The following IFT140 variants were observed in gnomAD, a reference collection of about 807,000 sequenced individuals.
IFT140 encodes the protein intraflagellar transport 140.
Under a neutral mutation model 164.6 loss-of-function variants are expected in IFT140, and 133 were observed. The ratio of observed to expected loss-of-function variants is 0.81; its 90% CI spans 0.70 to 0.93. The LOEUF is 0.93. Among genes scored for constraint, IFT140 ranks in the 40% least tolerant of loss-of-function variants. The pLI is 0.00. For synonymous variants in IFT140, 860 were observed against 817.3 expected (o/e 1.05, Z -0.89); for missense variants, 2,045 against 1,972.3 (o/e 1.04, Z -0.70).
At chr16:1,530,299 A>T (rs2030328114) in intron 19 of IFT140, among the ~76,000 whole-genome samples, 1 of 151,638 alleles carries the variant, frequency 6.6e-6, no homozygotes, top group Non-Finnish European at 1.5e-5. Flanking sequence ...CACCCAGCTA[A>T]TTTTTGTATT....
Position 1,562,203 on chromosome 16 carries a change from T to C in IFT140, c.2068-87A>G, listed in dbSNP as rs556395776. 9.3e-4 allele frequency: 1,112 copies of C among 1,197,430 alleles called. 18 individuals carry two copies. Among genetic ancestry groups the C allele is most frequent in the Middle Eastern group, 2.1e-3 (10 of 4,832 alleles). The allele number at this position is 1,197,430 out of a possible 1,614,324, so 74.2% of individuals were successfully genotyped here. A position where few individuals can be genotyped will look rare whatever the true frequency, so the allele number is the denominator to read the frequency against. On this transcript the variant is annotated intron_variant, in intron 17 of 30. Transcript: ENST00000426508. ...ATGAGTGCCATTTTGCTACACACAC[T>C]GCGTCACGGTGGGGTCGTTGCTACA...
intron 19 of IFT140, among the ~76,000 whole-genome samples, chr16:1,540,200 C>T (rs1275619901): frequency 6.6e-6 from 1 of 152,202 alleles, no homozygotes; most frequent in Non-Finnish European, 1.5e-5. Flanking sequence ...AGCACCCAGC[C>T]CAAGGGCCAG....
At position 1,520,006 on chromosome 16, in the gene IFT140, C is replaced by A; in HGVS notation, c.3915G>T (p.Gly1305=). 6.2e-7 allele frequency: 1 copy of A among 1,603,406 alleles called. No homozygotes were observed. Among genetic ancestry groups the A allele is most frequent in the Non-Finnish European group, 8.5e-7 (1 of 1,175,246 alleles). The change falls in exon 29 of 31, where the codon GGG becomes GGT. Residue 1305 remains glycine (G), a synonymous_variant. Transcript: ENST00000426508. ...DEYQNYDKAH[G]ALTEAYKCLA... ...GGCACTTGTAGGCCTCGGTCAGCGC[C>A]CCGTGGGCTTTGTCGTAGTTCTGGT... is the stretch of plus-strand genomic sequence containing the variant.
At chr16:1,597,986 C>G (rs1443055850) in intron 4 of IFT140, among the ~76,000 whole-genome samples, 1 of 152,058 alleles carries the variant, frequency 6.6e-6, no homozygotes, top group African/African-American at 2.4e-5. Context: ...TTATTTTATA[C>G]TAATGTGGGA....
intron 19 of IFT140, among the ~76,000 whole-genome samples, chr16:1,545,224 GCTC>G (rs1406011170): frequency 1.3e-5 from 2 of 152,196 alleles, no homozygotes; most frequent in African/African-American, 4.8e-5. Context: ...GCGGGACTGT[GCTC>G]CAACACGACC....
At position 1,587,981 on chromosome 16, in the gene IFT140, A is replaced by G. The variant is rs2034978738; in HGVS notation, c.854T>C (p.Leu285Ser). The change falls in exon 8 of 31, where the codon TTG becomes TCG. Residue 285 changes from leucine (L) to serine (S), a missense_variant. Physicochemically the swap from Leu to Ser is moderately radical, Grantham distance 145. Transcript: ENST00000426508. ...GKTGRRADIA[L>S]IEGSLLVMAV... ...CATCACGAGAAGGCTGCCTTCAATC[A>G]AAGCGATGTCTGCCCGGCGGCCGGT... The G allele has an allele frequency of 6.2e-7, 1 of 1,613,740 alleles. No homozygotes were observed. The highest frequency in any genetic ancestry group is 1.3e-5 in the African/African-American group (1 of 74,922).
At chr16:1,603,586 G>T (rs1047690861) in intron 3 of IFT140, among the ~76,000 whole-genome samples, 1 of 152,086 alleles carries the variant, frequency 6.6e-6, no homozygotes, top group African/African-American at 2.4e-5. Flanking sequence ...CAAGGTTCAA[G>T]CGATTCTCCT....
intron 3 of IFT140, 137 bp from the exon 4 acceptor site, chr16:1,602,728 T>C (rs1343990183): frequency 1.3e-6 from 1 of 764,358 alleles, no homozygotes; most frequent in African/African-American, 1.7e-5. Flanking sequence ...GATCACAAAG[T>C]CAGGAGTTCG....
Position 1,526,615 on chromosome 16 carries a change from T to A in IFT140, c.2577+4A>T, listed in dbSNP as rs2141184162. 2 of 1,473,484 alleles carry A rather than the reference T, an allele frequency of 1.4e-6. No individual in the cohort carries two copies. The highest frequency in any genetic ancestry group is 2.7e-5 in the East Asian group (1 of 37,028). 91.3% of individuals were successfully genotyped at this position (1,473,484 alleles called of 1,614,324 possible). ...CCACCCACCCCATGGCGGGCGCCCC[T>A]CACCAGCATGCCCAGCTGCGTGGCC... is the stretch of plus-strand genomic sequence containing the variant. On this transcript the variant is annotated splice_donor_region_variant and intron_variant, in intron 20 of 30. Transcript: ENST00000426508.
At position 1,602,602 on chromosome 16, in the gene IFT140, T is replaced by A; in HGVS notation, c.148-11A>T. The A allele has an allele frequency of 6.2e-7, 1 of 1,608,262 alleles. No homozygotes were observed. On this transcript the variant is annotated splice_polypyrimidine_tract_variant and intron_variant, in intron 3 of 30. Transcript: ENST00000426508. Reference sequence around the variant, plus strand: ...TGGCACGCACTCCCCCTGCATTGGATGAGAGGCAAATTCCCACAGTTCAGA... The same window carrying A: ...TGGCACGCACTCCCCCTGCATTGGAAGAGAGGCAAATTCCCACAGTTCAGA...
chr16:1,554,788 T>G (rs766995769), intron 19 of IFT140: 1 of 1,614,176 alleles, frequency 6.2e-7, no homozygotes, highest in South Asian at 1.1e-5. Flanking sequence ...GCAGGTTTTG[T>G]CCTGGTCATC....
chr16:1,575,874 C>A (rs2034250071), intron 13 of IFT140, among the ~76,000 whole-genome samples: 1 of 152,176 alleles, frequency 6.6e-6, no homozygotes, highest in Non-Finnish European at 1.5e-5. Flanking sequence ...CCTCTCCCTG[C>A]AGGCCACTGG....
intron 19 of IFT140, chr16:1,554,927 G>A (rs756095846): frequency 1.9e-6 from 3 of 1,614,102 alleles, no homozygotes; most frequent in African/African-American, 2.7e-5. Flanking sequence ...TCCACAAGAG[G>A]GAGGACTGCA....
chr16:1,582,835 G>A (rs184857052), intron 12 of IFT140, among the ~76,000 whole-genome samples: 6 of 152,344 alleles, frequency 3.9e-5, no homozygotes, highest in East Asian at 1.9e-4. Context: ...CCCGGGAGGC[G>A]GAGGGTGCAG....
rs1464803127 is a variant in IFT140 at position 1,523,630 on chromosome 16, G to A, written c.3341C>T (p.Ala1114Val). The A allele has an allele frequency of 6.2e-7, 1 of 1,613,972 alleles. No homozygotes were observed. Among genetic ancestry groups the A allele is most frequent in the Middle Eastern group, 1.6e-4 (1 of 6,062 alleles). Residue 1114 changes from alanine (A) to valine (V), a missense_variant, in exon 26 of 31, where the codon GCA becomes GTA. By Grantham distance (64) the Ala-to-Val change is moderately conservative. Transcript: ENST00000426508. ...TQQFVALQLI[A>V]EDLDETSDPA... ...GTCTGACGTCTCATCCAGGTCCTCT[G>A]CTATGAGCTGTAGGGCCACAAACTG...
At chr16:1,580,500 T>C in intron 13 of IFT140, 1 of 381,126 alleles carries the variant, frequency 2.6e-6, no homozygotes, top group Admixed American at 4.3e-5. Context: ...CTATGTAGGA[T>C]GTGCCTGCTT....
At chr16:1,566,373 C>A in intron 15 of IFT140, 82 bp from the exon 16 acceptor site, 3 of 1,409,146 alleles carry the variant, frequency 2.1e-6, no homozygotes, top group Admixed American at 3.7e-5. Context: ...ACTGACACAG[C>A]ACATGTCAAG....
intron 19 of IFT140, among the ~76,000 whole-genome samples, chr16:1,544,779 G>C (rs1450252307): frequency 6.6e-6 from 1 of 151,720 alleles, no homozygotes; most frequent in Non-Finnish European, 1.5e-5. Context: ...CTCCCGAGTA[G>C]CTGGGACTAC....
intron 13 of IFT140, 134 bp from the exon 14 acceptor site, chr16:1,571,668 ACT>A: frequency 1.1e-6 from 1 of 945,584 alleles, no homozygotes; most frequent in South Asian, 1.7e-5. Flanking sequence ...AACCTTGTAC[ACT>A]CCACTCATTC....
Sources: gnomAD v4.1 joint callset for allele counts (sites outside exome capture counted in the v4.1 genomes callset) on GRCh38, gnomAD v4.1.1 for gene constraint, MANE v1.5 for transcripts, NCBI Gene and HGNC (gene_info 2026-07-23, HGNC 2026-07-21) for gene names.